Variants in RECQL observed in about 807,000 individuals in gnomAD.
The protein encoded by RECQL is ATP-dependent DNA helicase Q1.
In RECQL, 73 loss-of-function variants were observed where a neutral mutation model predicts 75.8. The observed-to-expected ratio is 0.96, with a 90% CI of 0.80 to 1.17. RECQL has a LOEUF of 1.17. Ranked by LOEUF, RECQL falls within the 50% of genes most tolerant of loss-of-function variation. RECQL has a pLI of 0.00. For missense variants in RECQL, 699 were observed against 772.1 expected (o/e 0.91, Z 1.12); for synonymous variants, 248 against 254.4 (o/e 0.97, Z 0.24).
intron 5 of RECQL, among the ~76,000 whole-genome samples, chr12:21,485,337 A>C (rs1943271689): frequency 1.3e-5 from 2 of 151,006 alleles, no homozygotes; most frequent in Admixed American, 1.3e-4. Context: ...ACTGAAAAAA[A>C]AAAAAAGAAA....
intron 2 of RECQL, among the ~76,000 whole-genome samples, chr12:21,494,839 G>C (rs1412575063): frequency 6.6e-6 from 1 of 152,234 alleles, no homozygotes; most frequent in Non-Finnish European, 1.5e-5. Flanking sequence ...AGGAATGACA[G>C]TGGGAAATAT....
Position 21,471,482 on chromosome 12 carries a change from G to C in RECQL, c.1613C>G (p.Pro538Arg). 2 of 1,613,184 alleles carry C rather than the reference G, an allele frequency of 1.2e-6. No homozygotes were observed. Among genetic ancestry groups the C allele is most frequent in the Non-Finnish European group, 1.7e-6 (2 of 1,179,414 alleles). The change falls in exon 13 of 15, where the codon CCT becomes CGT. Residue 538 changes from proline to arginine, a missense_variant. By Grantham distance (103) the Pro-to-Arg change is moderately radical (BLOSUM62 -2). Around this residue, in one of 2 missense-constraint regions of RECQL, gnomAD observed 669 missense variants for 713.5 expected, o/e 0.94. Coordinates refer to ENST00000444129, the MANE Select transcript of RECQL (RefSeq NM_002907.4). ...AATAATCTTCTCCAGATCTTCACGA[G>C]GAAGTGTGGGAGCCACAACACCTGC... ...RVAGVVAPTL[P>R]REDLEKIIAH...
intron 6 of RECQL, among the ~76,000 whole-genome samples, chr12:21,478,896 C>T (rs1312226157): frequency 1.3e-5 from 2 of 152,168 alleles, no homozygotes; most frequent in Non-Finnish European, 2.9e-5. Context: ...TTTTCCATTC[C>T]TCATTCAGCT....
At chr12:21,493,820 G>A (rs1943455290) in intron 2 of RECQL, among the ~76,000 whole-genome samples, 1 of 152,104 alleles carries the variant, frequency 6.6e-6, no homozygotes, top group Admixed American at 6.5e-5. Context: ...CCATCTTTCA[G>A]TGCTTTAAGA....
At chr12:21,483,320 C>T (rs1040001680) in intron 6 of RECQL, 56 bp downstream of exon 6, 1 of 1,125,630 alleles carries the variant, frequency 8.9e-7, no homozygotes, top group East Asian at 2.5e-5. Context: ...TCATGCCAAG[C>T]TGAGTAAGGA....
chr12:21,491,982 AG>A (rs1943424163), intron 2 of RECQL, among the ~76,000 whole-genome samples: 1 of 152,208 alleles, frequency 6.6e-6, no homozygotes, highest in East Asian at 1.9e-4. Context: ...TAACTTTCAT[AG>A]TATTTTTATG....
chr12:21,497,249 C>G (rs1275814926), intron 2 of RECQL, among the ~76,000 whole-genome samples: 2 of 152,260 alleles, frequency 1.3e-5, no homozygotes, highest in East Asian at 1.9e-4. Flanking sequence ...TGCTCATGCA[C>G]CATGCTCCCC....
intron 7 of RECQL, among the ~76,000 whole-genome samples, 195 bp downstream of exon 7, chr12:21,477,608 T>C (rs1488775461): frequency 6.6e-6 from 1 of 152,202 alleles, no homozygotes; most frequent in African/African-American, 2.4e-5. Flanking sequence ...GTGTCTTCCA[T>C]TTAATCTAAC....
chr12:21,487,504 T>C (rs954785607), intron 4 of RECQL, among the ~76,000 whole-genome samples: 1 of 152,210 alleles, frequency 6.6e-6, no homozygotes, highest in Non-Finnish European at 1.5e-5. Flanking sequence ...TGGCTTTACG[T>C]TTCTGTAGTT....
chr12:21,471,454 T>C lies in RECQL; in HGVS notation c.1641A>G (p.Ala547=). Residue 547 remains alanine, a synonymous_variant, in exon 13 of 15, where the codon GCA becomes GCG. Coordinates refer to ENST00000444129, the MANE Select transcript of RECQL (RefSeq NM_002907.4). ...TAAGATACTGCTGTATTAGAAAGTG[T>C]GCAATAATCTTCTCCAGATCTTCAC... ...LPREDLEKII[A]HFLIQQYLKE... is the part of the protein sequence containing the mutation. 1 of 1,612,920 alleles carries C rather than the reference T, an allele frequency of 6.2e-7. No individual in the cohort carries two copies. Among genetic ancestry groups the C allele is most frequent in the Non-Finnish European group, 8.5e-7 (1 of 1,179,260 alleles).
chr12:21,469,094 G>A lies in RECQL; in HGVS notation c.*1100C>T. The A allele has an allele frequency of 1.1e-5, 2 of 179,908 alleles. No individual in the cohort carries two copies. The highest frequency in any genetic ancestry group is 2.3e-5 in the Non-Finnish European group (2 of 85,120). 11.1% of individuals were successfully genotyped at this position (179,908 alleles called of 1,614,324 possible). On this transcript the variant is annotated 3_prime_UTR_variant, in exon 15 of 15. Coordinates refer to ENST00000444129, the MANE Select transcript of RECQL (RefSeq NM_002907.4). Reference sequence around the variant, plus strand: ...TAGCCAAATGTACTCTAGTAGACTAGAACCATTCTTTGTGAAATGTCAAAA... The same window carrying A: ...TAGCCAAATGTACTCTAGTAGACTAAAACCATTCTTTGTGAAATGTCAAAA...
intron 14 of RECQL, 126 bp from the exon 15 acceptor site, chr12:21,470,472 C>T: frequency 9.5e-7 from 1 of 1,050,402 alleles, no homozygotes; most frequent in East Asian, 2.8e-5. Flanking sequence ...ATACAGGGGT[C>T]TAGTTTTTTA....
intron 1 of RECQL, among the ~76,000 whole-genome samples, chr12:21,500,440 A>G (rs1475836181): frequency 1.3e-5 from 2 of 152,204 alleles, no homozygotes; most frequent in Non-Finnish European, 2.9e-5. Context: ...TCCAAAAGTC[A>G]CTTCTGCAAC....
chr12:21,483,447 G>T lies in RECQL; in HGVS notation c.629C>A (p.Ala210Glu). ...FMSRLEKAYE[A>E]RRFTRIAVDE... ...CACAGCAATTCGAGTAAATCTCCTT[G>T]CTTCATAGGCTTTCTCTAGTCTTGA... Residue 210 changes from alanine (A) to glutamate (E), a missense_variant, in exon 6 of 15, where the codon GCA becomes GAA. Ala to Glu is a moderately radical substitution (Grantham distance 107). This residue lies in a region of RECQL where 669 missense variants were observed against 713.5 expected (regional missense o/e 0.94). Transcript: ENST00000444129. The T allele has an allele frequency of 6.2e-7, 1 of 1,605,572 alleles. No homozygotes were observed. Among genetic ancestry groups the T allele is most frequent in the Non-Finnish European group, 8.5e-7 (1 of 1,177,598 alleles).
In RECQL at chr12:21,477,958, G is replaced by A; in HGVS notation, c.712C>T (p.Leu238Phe). Residue 238 changes from leucine (L) to phenylalanine (F), a missense_variant, in exon 7 of 15, where the codon CTT becomes TTT. Around this residue, in one of 2 missense-constraint regions of RECQL, gnomAD observed 669 missense variants for 713.5 expected, o/e 0.94. Transcript: ENST00000444129. ...GHDFRPDYKA[L>F]GILKRQFPNA... ...GGGAACTGCCGCTTTAAGATACCAA[G>A]TGCCTTATAATCTGAAAAAACAAAC... 3.7e-6 allele frequency: 6 copies of A among 1,606,788 alleles called. No homozygotes were observed. Among genetic ancestry groups the A allele is most frequent in the Non-Finnish European group, 4.2e-6 (5 of 1,177,480 alleles).
rs755613039 is a variant in RECQL, at chr12:21,473,444, T to C, written c.1447+107A>G. 3.6e-5 allele frequency: 30 copies of C among 822,968 alleles called. 1 individual carries two copies. Among genetic ancestry groups the C allele is most frequent in the Admixed American group, 3.6e-4 (17 of 47,480 alleles). 51.0% of individuals were successfully genotyped at this position (822,968 alleles called of 1,614,324 possible). On this transcript the variant is annotated intron_variant, in intron 12 of 14. Coordinates refer to ENST00000444129, the MANE Select transcript of RECQL (RefSeq NM_002907.4). Reference sequence around the variant, plus strand: ...GGTTTATGTAAGTACACTTTGATGTTTGCACAATGACAAAATCACCTAGTG... The same window carrying C: ...GGTTTATGTAAGTACACTTTGATGTCTGCACAATGACAAAATCACCTAGTG...
intron 8 of RECQL, 98 bp downstream of exon 8, chr12:21,476,813 T>G (rs1313749612): frequency 1.7e-6 from 1 of 586,420 alleles, no homozygotes; most frequent in Non-Finnish European, 2.8e-6. Flanking sequence ...ATTAATTTTT[T>G]TTGGTGTTAT....
intron 2 of RECQL, among the ~76,000 whole-genome samples, chr12:21,498,816 G>A (rs1488294924): frequency 6.6e-6 from 1 of 152,216 alleles, no homozygotes; most frequent in African/African-American, 2.4e-5. Flanking sequence ...AAGGAATACA[G>A]AATGGGTAGT....
At chr12:21,492,950 T>C (rs1400582086) in intron 2 of RECQL, among the ~76,000 whole-genome samples, 2 of 152,176 alleles carry the variant, frequency 1.3e-5, no homozygotes, top group Non-Finnish European at 2.9e-5. Flanking sequence ...TTCACACCCA[T>C]CTTCCTTTCT....
Sources: gnomAD v4.1 joint callset for allele counts (sites outside exome capture counted in the v4.1 genomes callset) on GRCh38, gnomAD v4.1.1 for gene constraint, gnomAD v4.1.1 regional missense constraint, MANE v1.5 for transcripts, NCBI Gene and HGNC (gene_info 2026-07-23, HGNC 2026-07-21) for gene names.